ECI1: variants seen among roughly 807,000 people sequenced by gnomAD.
ECI1 encodes the protein enoyl-CoA delta isomerase 1, mitochondrial.
In ECI1, 34 loss-of-function variants were observed where a neutral mutation model predicts 34.2. That is an observed-to-expected ratio of 1.00 (90% CI 0.76 to 1.33). The LOEUF (loss-of-function observed/expected upper bound fraction) is 1.33, where lower values mean the gene tolerates loss of function less well. ECI1 is among the 40% of genes most tolerant of loss of function. The probability of loss-of-function intolerance (pLI) is 0.00; values close to 1 mark genes in which losing one functional copy is unlikely to be tolerated. For synonymous variants in ECI1, 211 were observed against 193.0 expected, an observed-to-expected ratio of 1.09 and a Z score of -0.77; for missense variants, 456 against 422.2, an observed-to-expected ratio of 1.08 and a Z score of -0.70.
At position 2,251,170 on chromosome 16, in the gene ECI1, G is replaced by A. The variant is rs1032699303; in HGVS notation, c.166+146C>T. On this transcript the variant is annotated intron_variant, in intron 2 of 6. Transcript: ENST00000301729. ...TTTATCTCATGACGAACGAACCCAGGTAGAGCGGCAAGGTTCTGTTTCGAA... is the reference window on the plus strand; with the variant it reads ...TTTATCTCATGACGAACGAACCCAGATAGAGCGGCAAGGTTCTGTTTCGAA... The A allele has an allele frequency of 2.1e-4, 57 of 274,046 alleles. 1 individual carries two copies. The highest frequency in any genetic ancestry group is 6.2e-5 in the Non-Finnish European group (10 of 161,134). The allele number at this position is 274,046 out of a possible 1,614,324, so 17.0% of individuals were successfully genotyped here.
At chr16:2,247,855 C>T (rs973260818) in intron 2 of ECI1, among the ~76,000 whole-genome samples, 1 of 151,992 alleles carries the variant, frequency 6.6e-6, no homozygotes, top group Non-Finnish European at 1.5e-5. Context: ...TATAGGCAAG[C>T]GCCACCACAC....
chr16:2,246,426 C>A (rs2093540389), intron 3 of ECI1, among the ~76,000 whole-genome samples: 1 of 152,180 alleles, frequency 6.6e-6, no homozygotes, highest in Non-Finnish European at 1.5e-5. Context: ...CCCATAGATG[C>A]ATGGCTCTCC....
In ECI1 at chr16:2,239,610, T is replaced by A. The variant is rs1205352422; in HGVS notation, c.*369A>T. On this transcript the variant is annotated 3_prime_UTR_variant, in exon 7 of 7. Transcript: ENST00000301729. Reference sequence around the variant, plus strand: ...GTGGGTCATGGGGGCCAAGACCACCTGGCCTTACACCTAAGAGCAGGCAGT... The same window carrying A: ...GTGGGTCATGGGGGCCAAGACCACCAGGCCTTACACCTAAGAGCAGGCAGT... 1.4e-5 allele frequency: 5 copies of A among 354,500 alleles called. No homozygotes were observed. The highest frequency in any genetic ancestry group is 2.2e-5 in the Non-Finnish European group (4 of 182,028). The allele number at this position is 354,500 out of a possible 1,614,324, so 22.0% of individuals were successfully genotyped here. A position where few individuals can be genotyped will look rare whatever the true frequency, so the allele number is the denominator to read the frequency against.
In ECI1 at chr16:2,244,515, G is replaced by A. The variant is rs145712373; in HGVS notation, c.332C>T (p.Thr111Met). The A allele has an allele frequency of 6.4e-4, 1,019 of 1,601,046 alleles. No individual in the cohort carries two copies. The highest frequency in any genetic ancestry group is 8.3e-4 in the Non-Finnish European group (973 of 1,174,702). Residue 111 changes from threonine to methionine, a missense_variant, in exon 4 of 7, where the codon ACG (threonine) becomes ATG (methionine). By Grantham distance (81) the Thr-to-Met change is moderately conservative. Transcript: ENST00000301729. ...GGCGGGGCTCCTCCCACACATCTCC[G>A]TCAGGTCCAGGCCGGCCGAGAAGAC... ...PGVFSAGLDL[T>M]EMCGRSPAHY...
intron 4 of ECI1, chr16:2,243,988 G>T: frequency 3.0e-6 from 1 of 335,568 alleles, no homozygotes; most frequent in South Asian, 2.5e-5. Flanking sequence ...GCCCACACCC[G>T]GCTTGTCACA....
rs757282014 is a variant in ECI1 at position 2,244,395 on chromosome 16, G to A, written c.441+11C>T. 2.4e-5 allele frequency: 38 copies of A among 1,611,472 alleles called. No homozygotes were observed. Among genetic ancestry groups the A allele is most frequent in the Non-Finnish European group, 2.9e-5 (34 of 1,179,508 alleles). On this transcript the variant is annotated intron_variant, in intron 4 of 6. Transcript: ENST00000301729. ...CAGCCAGCGAGGCCACCTGGGAGTG[G>A]GGACACTCACGTTGATGGCGGAGAC...
In ECI1 at chr16:2,247,259, GATA is replaced by G. The variant is rs1452646938; in HGVS notation, c.167-276_167-274del. On this transcript the variant is annotated intron_variant, in intron 2 of 6. Transcript: ENST00000301729. ...CTACAGGTGCCCACCACCACGCCCG[GATA>G]ATTTTTTTCTTTTAAGTAGAGACAG... Among the ~76,000 whole-genome samples, 20 of 152,226 alleles carry G rather than the reference GATA, an allele frequency of 1.3e-4. No individual in the cohort carries two copies. The East Asian group carries it at 3.9e-3, about 29-fold the overall frequency.
chr16:2,251,305 C>A lies in ECI1; in HGVS notation c.166+11G>T. 1 of 1,184,294 alleles carries A rather than the reference C, an allele frequency of 8.4e-7. No homozygotes were observed. The highest frequency in any genetic ancestry group is 4.1e-5 in the East Asian group (1 of 24,338). The allele number at this position is 1,184,294 out of a possible 1,614,324, so 73.4% of individuals were successfully genotyped here. On this transcript the variant is annotated intron_variant, in intron 2 of 6. Coordinates refer to ENST00000301729, the MANE Select transcript of ECI1 (RefSeq NM_001919.4). The stretch of plus-strand genomic sequence containing the variant: ...CCCCACGCCCGCCCTCCCTCGGCGC[C>A]GCCCGCTCACCTGCGCCCGCGTCCG...
chr16:2,246,795 G>C, intron 3 of ECI1, 64 bp downstream of exon 3: 1 of 1,607,602 alleles, frequency 6.2e-7, no homozygotes, highest in Non-Finnish European at 8.5e-7. Context: ...AACAGGCCTG[G>C]GCTCACATCA....
chr16:2,248,925 A>G (rs1479068720), intron 2 of ECI1, among the ~76,000 whole-genome samples: 1 of 152,098 alleles, frequency 6.6e-6, no homozygotes, highest in Non-Finnish European at 1.5e-5. Context: ...TGCTCCAGCC[A>G]TATTCCATAT....
rs1279176070 is a variant in ECI1 at position 2,251,346 on chromosome 16, G to A, written c.136C>T (p.Arg46Trp). Residue 46 changes from arginine to tryptophan, a missense_variant, in exon 2 of 7, where the codon CGG (arginine) becomes TGG (tryptophan). By Grantham distance (101) the Arg-to-Trp change is moderately radical. Coordinates refer to ENST00000301729, the MANE Select transcript of ECI1 (RefSeq NM_001919.4). ...GDGARRFGSQ[R>W]VLVEPDAGAG... ...CCCGCGTCCGGCTCCACCAGCACCC[G>A]CTGGCTCCCGAAGCGCCGCGCGCCG... is the stretch of plus-strand genomic sequence containing the variant. The A allele has an allele frequency of 4.0e-6, 5 of 1,248,418 alleles. No homozygotes were observed. Among genetic ancestry groups the A allele is most frequent in the Non-Finnish European group, 5.0e-6 (5 of 994,148 alleles). 77.3% of individuals were successfully genotyped at this position (1,248,418 alleles called of 1,614,324 possible). A position where few individuals can be genotyped will look rare whatever the true frequency, so the allele number is the denominator to read the frequency against.
At chr16:2,249,293 C>G (rs935222765) in intron 2 of ECI1, among the ~76,000 whole-genome samples, 1 of 151,812 alleles carries the variant, frequency 6.6e-6, no homozygotes, top group East Asian at 2.0e-4. Context: ...TCGTGATCCG[C>G]GCACCCTGGC....
chr16:2,243,017 T>C (rs577364603), intron 6 of ECI1, 29 bp downstream of exon 6: 3 of 1,581,760 alleles, frequency 1.9e-6, no homozygotes, highest in African/African-American at 2.7e-5. Context: ...CCCAGCATCA[T>C]CGGGCGCCCG....
In ECI1 at chr16:2,239,979, T is replaced by C. The variant is rs1018337756; in HGVS notation, c.909A>G (p.Ter303=). The C allele has an allele frequency of 2.5e-6, 4 of 1,613,478 alleles. No homozygotes were observed. In the African/African-American group the frequency reaches 5.3e-5, roughly 22 times the overall value. Residue 303 remains the stop codon, a stop_retained_variant, in exon 7 of 7, where the codon TAA becomes TAG. Transcript: ENST00000301729. ...YLERLKEEKG[*] ...CCGTAAGCCTGTGGCAGCCCAATCGTTAGCCTTTTTCTTCTTTGAGCCTCT... is the reference window on the plus strand; with the variant it reads ...CCGTAAGCCTGTGGCAGCCCAATCGCTAGCCTTTTTCTTCTTTGAGCCTCT...
At position 2,243,098 on chromosome 16, in the gene ECI1, C is replaced by A. The variant is rs1445464933; in HGVS notation, c.690G>T (p.Glu230Asp). The change falls in exon 6 of 7, where the codon GAG (glutamate) becomes GAT (aspartate). Residue 230 changes from glutamate (E) to aspartate (D), a missense_variant. Physicochemically the swap from Glu to Asp is conservative, Grantham distance 45. Transcript: ENST00000301729. ...VGIVDQVVPE[E>D]QVQSTALSAI... ...CTGACAGCGCAGTGCTCTGCACCTGCTCCTCCGGGACCACCTGGTCCACTA... is the reference window on the plus strand; with the variant it reads ...CTGACAGCGCAGTGCTCTGCACCTGATCCTCCGGGACCACCTGGTCCACTA... 6.2e-7 allele frequency: 1 copy of A among 1,605,616 alleles called. No homozygotes were observed. Among genetic ancestry groups the A allele is most frequent in the Non-Finnish European group, 8.5e-7 (1 of 1,179,902 alleles).
rs756967360 is a variant in ECI1, at chr16:2,243,106, G to A, written c.682C>T (p.Pro228Ser). 1 of 1,605,654 alleles carries A rather than the reference G, an allele frequency of 6.2e-7. No individual in the cohort carries two copies. Among genetic ancestry groups the A allele is most frequent in the African/African-American group, 1.3e-5 (1 of 74,930 alleles). Residue 228 changes from proline (P) to serine (S), a missense_variant, in exon 6 of 7, where the codon CCG becomes TCG. Transcript: ENST00000301729. ...GCAGTGCTCTGCACCTGCTCCTCCGGGACCACCTGGTCCACTATGCCCACC... is the reference window on the plus strand; with the variant it reads ...GCAGTGCTCTGCACCTGCTCCTCCGAGACCACCTGGTCCACTATGCCCACC... ...LQVGIVDQVV[P>S]EEQVQSTALS... is the part of the protein sequence containing the mutation.
rs375617369 is a variant in ECI1 at position 2,239,819 on chromosome 16, G to A, written c.*160C>T. ...AGGCACCCATGTGTGTTTGTGTGTG[G>A]CTGGGCCTTGGGCCACTGGGCTATG... On this transcript the variant is annotated 3_prime_UTR_variant, in exon 7 of 7. Transcript: ENST00000301729. 8.5e-5 allele frequency: 64 copies of A among 756,656 alleles called. No individual in the cohort carries two copies. Among genetic ancestry groups the A allele is most frequent in the African/African-American group, 8.2e-4 (48 of 58,182 alleles). The allele number at this position is 756,656 out of a possible 1,614,324, so 46.9% of individuals were successfully genotyped here. A position where few individuals can be genotyped will look rare whatever the true frequency, so the allele number is the denominator to read the frequency against.
At chr16:2,245,739 G>A (rs1209664325) in intron 3 of ECI1, among the ~76,000 whole-genome samples, 1 of 152,078 alleles carries the variant, frequency 6.6e-6, no homozygotes, top group African/African-American at 2.4e-5. Context: ...TTAACCAGGT[G>A]CAATGGCTCG....
At chr16:2,250,207 G>A (rs1048122328) in intron 2 of ECI1, among the ~76,000 whole-genome samples, 4 of 143,924 alleles carry the variant, frequency 2.8e-5, no homozygotes, top group Non-Finnish European at 6.0e-5. Context: ...TGCAGTGATC[G>A]GAGATTGCGC....
Sources: gnomAD v4.1 joint callset for allele counts (sites outside exome capture counted in the v4.1 genomes callset) on GRCh38, gnomAD v4.1.1 for gene constraint, MANE v1.5 for transcripts, NCBI Gene and HGNC (gene_info 2026-07-23, HGNC 2026-07-21) for gene names.